Variants in FCHSD2 observed in about 807,000 individuals in gnomAD.
The protein encoded by FCHSD2 is FCH and double SH3 domains 2.
A neutral mutation model predicts 108.1 loss-of-function variants in FCHSD2; 38 were observed. The ratio of observed to expected loss-of-function variants is 0.35; its 90% confidence interval spans 0.27 to 0.46. The LOEUF (loss-of-function observed/expected upper bound fraction) is 0.46, where lower values mean the gene tolerates loss of function less well. Among genes scored for constraint, FCHSD2 ranks in the 20% least tolerant of loss-of-function variants. The pLI is 1.00. For synonymous variants in FCHSD2, 279 were observed against 314.7 expected (o/e 0.89, Z 1.20); for missense variants, 751 against 897.8 (o/e 0.84, Z 2.09).
At chr11:72,963,999 A>G (rs1277577749) in intron 8 of FCHSD2, among the ~76,000 whole-genome samples, 3 of 152,250 alleles carry the variant, frequency 2.0e-5, no homozygotes, top group Admixed American at 2.0e-4. Flanking sequence ...TTACCAAGTA[A>G]CCAGAGGGCT....
intron 12 of FCHSD2, among the ~76,000 whole-genome samples, chr11:72,882,304 T>C (rs1855107304): frequency 6.7e-6 from 1 of 149,070 alleles, no homozygotes; most frequent in Non-Finnish European, 1.5e-5. Flanking sequence ...TAGCCGGGCG[T>C]GGTGGCGTGT....
chr11:73,068,828 A>AG (rs1377204170), intron 3 of FCHSD2, among the ~76,000 whole-genome samples: 14 of 149,488 alleles, frequency 9.4e-5, no homozygotes, highest in East Asian at 3.9e-4. Flanking sequence ...AAAAAAAAAA[A>AG]AAAAGAAAAA....
chr11:73,069,310 CAAAAA>C (rs369961395), intron 3 of FCHSD2, among the ~76,000 whole-genome samples: 1 of 45,984 alleles, frequency 2.2e-5, no homozygotes, highest in Non-Finnish European at 4.3e-5. Flanking sequence ...AACTCTGTCT[CAAAAA>C]AAAAAAAAAA....
Position 73,128,126 on chromosome 11 carries a change from G to A in FCHSD2, c.119+11905C>T, listed in dbSNP as rs548463172. ...GGTAAGATTGGGAGGAGAATCCTAA[G>A]AGGCCAAAATACAAAAACCTACTCC... On this transcript the variant is annotated intron_variant, in intron 2 of 19. Coordinates refer to ENST00000409418, the MANE Select transcript of FCHSD2 (RefSeq NM_014824.3). Among the ~76,000 whole-genome samples, 3 of 151,704 alleles carry A rather than the reference G, an allele frequency of 2.0e-5. No homozygotes were observed. In the South Asian group the frequency reaches 6.3e-4, roughly 32 times the overall value.
intron 2 of FCHSD2, among the ~76,000 whole-genome samples, chr11:73,129,844 A>G (rs950403601): frequency 2.0e-5 from 3 of 148,676 alleles, no homozygotes; most frequent in Non-Finnish European, 4.5e-5. Flanking sequence ...TATCACACCT[A>G]TGCTACCACA....
At chr11:73,101,737 C>T (rs1273542571) in intron 2 of FCHSD2, among the ~76,000 whole-genome samples, 2 of 151,664 alleles carry the variant, frequency 1.3e-5, no homozygotes, top group Admixed American at 1.3e-4. Flanking sequence ...GCACCCCCCG[C>T]CCCCGAAAAA....
chr11:72,996,463 G>A (rs1857521150), intron 5 of FCHSD2, among the ~76,000 whole-genome samples: 1 of 152,100 alleles, frequency 6.6e-6, no homozygotes, highest in Non-Finnish European at 1.5e-5. Flanking sequence ...GTAAACATAA[G>A]AATGGCAAAA....
intron 3 of FCHSD2, among the ~76,000 whole-genome samples, chr11:73,070,850 A>C (rs1178667639): frequency 6.6e-6 from 1 of 152,172 alleles, no homozygotes; most frequent in African/African-American, 2.4e-5. Context: ...AGGTTTAAGC[A>C]TACCTCAGTA....
chr11:73,020,653 T>C (rs1473841774), intron 3 of FCHSD2, among the ~76,000 whole-genome samples: 4 of 152,116 alleles, frequency 2.6e-5, no homozygotes, highest in Non-Finnish European at 5.9e-5. Flanking sequence ...TTCTGTGTGG[T>C]ATATGATTAT....
chr11:73,051,915 A>ACC (rs796798306), intron 3 of FCHSD2, among the ~76,000 whole-genome samples: 27 of 117,616 alleles, frequency 2.3e-4, no homozygotes, highest in East Asian at 4.9e-4. Flanking sequence ...ACACACACAC[A>ACC]CCCCACACAC....
At chr11:73,064,745 T>C (rs1228370284) in intron 3 of FCHSD2, among the ~76,000 whole-genome samples, 3 of 152,068 alleles carry the variant, frequency 2.0e-5, no homozygotes, top group African/African-American at 7.2e-5. Flanking sequence ...GCAAATAAAC[T>C]AGAAAATCTA....
At chr11:72,887,360 G>C (rs1478777540) in intron 12 of FCHSD2, 110 bp downstream of exon 12, 7 of 696,610 alleles carry the variant, frequency 1.0e-5, no homozygotes, top group African/African-American at 9.2e-5. Context: ...TGAAGACGGT[G>C]AATCACCTTC....
At chr11:73,091,170 A>G (rs1859947006) in intron 2 of FCHSD2, among the ~76,000 whole-genome samples, 1 of 152,198 alleles carries the variant, frequency 6.6e-6, no homozygotes, top group Admixed American at 6.5e-5. Flanking sequence ...ATTTATTGAT[A>G]GACATTTGGG....
intron 17 of FCHSD2, 35 bp from the exon 18 acceptor site, chr11:72,841,618 C>G: frequency 6.4e-7 from 1 of 1,556,458 alleles, no homozygotes; most frequent in East Asian, 2.3e-5. Context: ...CCCGGTGCTC[C>G]CCTCCAGGAA....
chr11:72,896,967 C>T (rs1855433806), intron 10 of FCHSD2, among the ~76,000 whole-genome samples: 1 of 151,866 alleles, frequency 6.6e-6, no homozygotes, highest in South Asian at 2.1e-4. Flanking sequence ...GCTGGGACTA[C>T]AGGTGCCCGC....
intron 2 of FCHSD2, among the ~76,000 whole-genome samples, chr11:73,133,861 T>C (rs901389583): frequency 2.0e-5 from 3 of 149,700 alleles, no homozygotes; most frequent in African/African-American, 7.4e-5. Flanking sequence ...TCCACTTCTA[T>C]AGAGACAGAA....
At chr11:73,112,455 T>C (rs891589930) in intron 2 of FCHSD2, among the ~76,000 whole-genome samples, 1 of 152,204 alleles carries the variant, frequency 6.6e-6, no homozygotes, top group Non-Finnish European at 1.5e-5. Context: ...CATTATTAAA[T>C]GCCTTAAGGT....
chr11:73,136,169 A>G (rs1044392154), intron 2 of FCHSD2, among the ~76,000 whole-genome samples: 2 of 147,586 alleles, frequency 1.4e-5, no homozygotes, highest in African/African-American at 5.0e-5. Context: ...TCTTAAGAAA[A>G]AAAAAAAAAG....
At chr11:73,005,527 C>T (rs905574132) in intron 4 of FCHSD2, among the ~76,000 whole-genome samples, 14 of 152,190 alleles carry the variant, frequency 9.2e-5, no homozygotes, top group African/African-American at 3.1e-4. Flanking sequence ...TTGCCGGTTC[C>T]GCTTCATCTC....
Sources: allele counts gnomAD v4.1 joint callset (sites outside exome capture counted in the v4.1 genomes callset), GRCh38; gene constraint gnomAD v4.1.1; transcripts MANE v1.5; gene names NCBI Gene and HGNC (gene_info 2026-07-23, HGNC 2026-07-21).